The following PPHLN1 variants were observed in gnomAD, a reference collection of about 807,000 sequenced individuals.
PPHLN1 encodes periphilin-1.
Under a neutral mutation model 51.3 loss-of-function variants are expected in PPHLN1, and 29 were observed. That is an observed-to-expected ratio of 0.57 (90% CI 0.42 to 0.77). The LOEUF is 0.77. Among genes scored for constraint, PPHLN1 ranks in the 30% least tolerant of loss-of-function variants. The pLI is 0.00. For missense variants in PPHLN1, 436 were observed against 438.4 expected, an observed-to-expected ratio of 0.99 and a Z score of 0.05; for synonymous variants, 147 against 147.8, an observed-to-expected ratio of 0.99 and a Z score of 0.04.
intron 7 of PPHLN1, among the ~76,000 whole-genome samples, chr12:42,393,020 AG>A (rs1446623466): frequency 6.6e-6 from 1 of 152,246 alleles, no homozygotes; most frequent in Non-Finnish European, 1.5e-5. Flanking sequence ...ATAACTGCAA[AG>A]TCCATACCTT....
At chr12:42,348,128 T>A (rs1470830325) in intron 2 of PPHLN1, among the ~76,000 whole-genome samples, 1 of 152,090 alleles carries the variant, frequency 6.6e-6, no homozygotes, top group East Asian at 1.9e-4. Context: ...TTTATTTTTT[T>A]GAGATGGAGT....
intron 1 of PPHLN1, among the ~76,000 whole-genome samples, chr12:42,328,573 G>T (rs1431660637): frequency 1.3e-5 from 2 of 152,188 alleles, no homozygotes; most frequent in Non-Finnish European, 2.9e-5. Flanking sequence ...TGTAATTTCA[G>T]TTAATTGATC....
downstream of PPHLN1, chr12:42,444,896 C>T (rs1235000761): frequency 3.4e-6 from 2 of 584,110 alleles, no homozygotes; most frequent in African/African-American, 1.9e-5. Flanking sequence ...AAGCGGCTAT[C>T]TGGTGGAAAC....
At chr12:42,359,349 A>G (rs1359528957) in intron 4 of PPHLN1, 1 of 152,236 alleles carries the variant, frequency 6.6e-6, no homozygotes, top group African/African-American at 2.4e-5. Context: ...GTCTCTGGGA[A>G]TATAAAGCCT....
intron 9 of PPHLN1, among the ~76,000 whole-genome samples, chr12:42,405,882 G>A (rs1260847598): frequency 6.6e-6 from 1 of 152,000 alleles, no homozygotes; most frequent in Non-Finnish European, 1.5e-5. Flanking sequence ...TTTTAGTGAT[G>A]TATGTAATAC....
chr12:42,436,632 G>T (rs2082511633), intron 9 of PPHLN1, among the ~76,000 whole-genome samples: 1 of 152,122 alleles, frequency 6.6e-6, no homozygotes, highest in Admixed American at 6.5e-5. Flanking sequence ...TAGGGGATAT[G>T]TTCCAGGATC....
chr12:42,428,195 G>A (rs1158054365), intron 9 of PPHLN1, among the ~76,000 whole-genome samples: 1 of 152,198 alleles, frequency 6.6e-6, no homozygotes, highest in Non-Finnish European at 1.5e-5. Context: ...ATGGAAAACG[G>A]TGTGGAGATT....
At chr12:42,361,594 TGA>T (rs933308433) in intron 4 of PPHLN1, 7 of 152,246 alleles carry the variant, frequency 4.6e-5, no homozygotes, top group Non-Finnish European at 7.3e-5. Context: ...ATTTGGCCAG[TGA>T]GAGTCCCTTC....
intron 9 of PPHLN1, among the ~76,000 whole-genome samples, chr12:42,415,662 G>A (rs1348666533): frequency 1.3e-5 from 2 of 152,154 alleles, no homozygotes; most frequent in South Asian, 2.1e-4. Context: ...CTGTATTAGC[G>A]TATCACTCTG....
At chr12:42,348,750 T>TTA (rs1477970061) in intron 2 of PPHLN1, among the ~76,000 whole-genome samples, 1 of 152,182 alleles carries the variant, frequency 6.6e-6, no homozygotes, top group Non-Finnish European at 1.5e-5. Context: ...TATTCTGATT[T>TTA]TATGAGTGAC....
At chr12:42,427,515 G>A (rs965588799) in intron 9 of PPHLN1, among the ~76,000 whole-genome samples, 10 of 151,832 alleles carry the variant, frequency 6.6e-5, no homozygotes, top group African/African-American at 1.9e-4. Flanking sequence ...AACATAAAGT[G>A]GGGAAAGGAC....
intron 8 of PPHLN1, among the ~76,000 whole-genome samples, chr12:42,395,903 C>T (rs563382766): frequency 6.6e-5 from 10 of 152,160 alleles, no homozygotes; most frequent in African/African-American, 2.4e-4. Flanking sequence ...TTTGGGAAAA[C>T]GTGTAGTTCA....
intron 3 of PPHLN1, 80 bp from the exon 4 acceptor site, chr12:42,355,080 GT>G (rs1592338313): frequency 7.6e-7 from 1 of 1,308,004 alleles, no homozygotes. Flanking sequence ...ATTCGGTCTA[GT>G]TTCTGGTAGT....
chr12:42,370,035 T>G (rs1266207595), intron 4 of PPHLN1, among the ~76,000 whole-genome samples: 1 of 152,258 alleles, frequency 6.6e-6, no homozygotes, highest in Non-Finnish European at 1.5e-5. Flanking sequence ...CTTTCATCAC[T>G]GGGAATTGTT....
At chr12:42,343,849 T>A (rs2071854800) in intron 2 of PPHLN1, 1 of 435,202 alleles carries the variant, frequency 2.3e-6, no homozygotes, top group Non-Finnish European at 4.6e-6. Flanking sequence ...TTTGACACAC[T>A]GTCACCAAAA....
At position 42,431,205 on chromosome 12, in the gene PPHLN1, A is replaced by T. The variant is rs575183010; in HGVS notation, c.910-10110A>T. Among the ~76,000 whole-genome samples, 5 of 152,328 alleles carry T rather than the reference A, an allele frequency of 3.3e-5. No individual in the cohort carries two copies. In the South Asian group the frequency reaches 6.2e-4, roughly 19 times the overall value. On this transcript the variant is annotated intron_variant, in intron 9 of 9. Transcript: ENST00000358314. ...TTTAAAAAACATATTAAAACAGACC[A>T]GTTTCCAAACTAAACTAATGGAGAA...
chr12:42,413,520 ATGTATATGTGTGTGTGTGTGTG>A (rs979426000), intron 9 of PPHLN1, among the ~76,000 whole-genome samples: 4 of 128,126 alleles, frequency 3.1e-5, no homozygotes, highest in African/African-American at 1.2e-4. Context: ...AACTATATAT[ATGTATATGTGTGTGTGTGTGTG>A]TGTGTGTGTG....
chr12:42,439,257 T>C (rs747969840), intron 9 of PPHLN1, among the ~76,000 whole-genome samples: 1 of 152,242 alleles, frequency 6.6e-6, no homozygotes, highest in East Asian at 1.9e-4. Context: ...ATTTTGCATG[T>C]AGATAGATAA....
At chr12:42,410,876 T>C (rs973302590) in intron 9 of PPHLN1, among the ~76,000 whole-genome samples, 11 of 152,208 alleles carry the variant, frequency 7.2e-5, no homozygotes, top group African/African-American at 1.4e-4. Flanking sequence ...ACAACCTGAA[T>C]TGGGAAAGAA....
Sources: allele counts gnomAD v4.1 joint callset (sites outside exome capture counted in the v4.1 genomes callset), GRCh38; gene constraint gnomAD v4.1.1; transcripts MANE v1.5; gene names NCBI Gene and HGNC (gene_info 2026-07-23, HGNC 2026-07-21).